Variants in GPR137C observed in about 807,000 individuals in gnomAD.
GPR137C encodes the protein integral membrane protein GPR137C.
GPR137C carries 27 observed loss-of-function variants against 43.4 expected under a neutral mutation model. The ratio of observed to expected loss-of-function variants is 0.62; its 90% CI spans 0.46 to 0.86. The LOEUF is 0.86. Ranked by LOEUF, GPR137C falls within the 40% of genes least tolerant of loss-of-function variation. The pLI is 0.00. For missense variants in GPR137C, 522 were observed against 534.6 expected, an observed-to-expected ratio of 0.98 and a Z score of 0.23; for synonymous variants, 285 against 226.9, an observed-to-expected ratio of 1.26 and a Z score of -2.30.
chr14:52,619,747 A>G (rs1371356707), intron 3 of GPR137C, among the ~76,000 whole-genome samples: 1 of 152,134 alleles, frequency 6.6e-6, no homozygotes, highest in African/African-American at 2.4e-5. Flanking sequence ...TGTCAGGGTC[A>G]TAGGAGCCAG....
At chr14:52,595,941 C>T (rs2038849083) in intron 1 of GPR137C, among the ~76,000 whole-genome samples, 2 of 152,140 alleles carry the variant, frequency 1.3e-5, no homozygotes, top group Admixed American at 1.3e-4. Context: ...TGGTTTCTCC[C>T]CATTTTTGTG....
At chr14:52,567,649 CTTTTTTTTTTTGGTT>C (rs1364745456) in intron 1 of GPR137C, among the ~76,000 whole-genome samples, 1 of 133,120 alleles carries the variant, frequency 7.5e-6, no homozygotes, top group Admixed American at 7.5e-5. Flanking sequence ...TCAGATTGTT[CTTTTTTTTTTTGGTT>C]TTTTTTTTTT....
intron 3 of GPR137C, among the ~76,000 whole-genome samples, chr14:52,627,720 T>C (rs1300373992): frequency 6.6e-6 from 1 of 152,064 alleles, no homozygotes. Context: ...GGCACGTGCC[T>C]GTAATCCCAG....
rs940728137 is a variant in GPR137C, at chr14:52,625,249, C to T, written c.718-6911C>T. On this transcript the variant is annotated intron_variant, in intron 3 of 6. Coordinates refer to ENST00000321662, the MANE Select transcript of GPR137C (RefSeq NM_001099652.2). ...CTGTAATCCCAGGGCTTCGGGAAGC[C>T]GAGGCGGGTGGATCACAAGGTCAGG... Among the ~76,000 whole-genome samples the T allele has an allele frequency of 2.0e-5, 3 of 151,832 alleles. No homozygotes were observed. In the South Asian group the frequency reaches 6.2e-4, roughly 31 times the overall value.
intron 1 of GPR137C, among the ~76,000 whole-genome samples, chr14:52,556,778 G>T (rs1455155938): frequency 6.6e-6 from 1 of 151,830 alleles, no homozygotes; most frequent in African/African-American, 2.4e-5. Context: ...TGAACCTCCT[G>T]AATCTAAATT....
intron 1 of GPR137C, among the ~76,000 whole-genome samples, chr14:52,595,516 T>G (rs2038842316): frequency 1.3e-5 from 2 of 152,194 alleles, no homozygotes; most frequent in South Asian, 4.1e-4. Context: ...TTTTTTCATT[T>G]CTTTTTACTC....
intron 1 of GPR137C, among the ~76,000 whole-genome samples, chr14:52,595,902 G>C (rs116248309): frequency 0.016 from 2,489 of 152,184 alleles, 67 homozygotes; most frequent in African/African-American, 0.056. Context: ...GAGGCAGTCT[G>C]GTTTTTGGAA....
chr14:52,596,545 C>G lies in GPR137C; in HGVS notation c.445-1727C>G, dbSNP rs113791958. ...TCAACAATGGTGGATGCCCCTCCCC[C>G]TGCTGGGCTGCAGTGTTGCAGGTGG... is the stretch of plus-strand genomic sequence containing the variant. On this transcript the variant is annotated intron_variant, in intron 1 of 6. Coordinates refer to ENST00000321662, the MANE Select transcript of GPR137C (RefSeq NM_001099652.2). 1.3e-3 allele frequency among the ~76,000 whole-genome samples: 197 copies of G among 152,338 alleles called. 1 individual carries two copies. The highest frequency in any genetic ancestry group is 4.4e-3 in the African/African-American group (182 of 41,584).
At chr14:52,578,950 A>C (rs1035984153) in intron 1 of GPR137C, among the ~76,000 whole-genome samples, 13 of 152,094 alleles carry the variant, frequency 8.5e-5, no homozygotes, top group Non-Finnish European at 4.4e-5. Flanking sequence ...GTCTCAAAAA[A>C]AAAAAAAAAG....
At chr14:52,580,177 A>G (rs574155681) in intron 1 of GPR137C, among the ~76,000 whole-genome samples, 1 of 152,258 alleles carries the variant, frequency 6.6e-6, no homozygotes, top group East Asian at 1.9e-4. Flanking sequence ...TATGCCTTTC[A>G]TGAAAATTCC....
At position 52,635,238 on chromosome 14, in the gene GPR137C, G is replaced by A; in HGVS notation, c.*123G>A. ...AACTGAAAACAAAATCTGGAAGTGT[G>A]GCTGTGTTTGGTAAATAACACAGCT... On this transcript the variant is annotated 3_prime_UTR_variant, in exon 7 of 7. Coordinates refer to ENST00000321662, the MANE Select transcript of GPR137C (RefSeq NM_001099652.2). 3 of 716,498 alleles carry A rather than the reference G, an allele frequency of 4.2e-6. No individual in the cohort carries two copies. Among genetic ancestry groups the A allele is most frequent in the Non-Finnish European group, 2.1e-6 (1 of 466,664 alleles). The allele number at this position is 716,498 out of a possible 1,614,324, so 44.4% of individuals were successfully genotyped here. A position where few individuals can be genotyped will look rare whatever the true frequency, so the allele number is the denominator to read the frequency against.
At position 52,635,098 on chromosome 14, in the gene GPR137C, G is replaced by C; in HGVS notation, c.1273G>C (p.Val425Leu). The C allele has an allele frequency of 6.3e-7, 1 of 1,578,284 alleles. No individual in the cohort carries two copies. The highest frequency in any genetic ancestry group is 8.6e-7 in the Non-Finnish European group (1 of 1,166,362). ...TTTGAACAATCATCATAGCTTATATGTGACACCACAAAACTGACAGCATCA... is the reference window on the plus strand; with the variant it reads ...TTTGAACAATCATCATAGCTTATATCTGACACCACAAAACTGACAGCATCA... ...LDLNNHHSLY[V>L]TPQN Residue 425 changes from valine (V) to leucine (L), a missense_variant, in exon 7 of 7, where the codon GTG (valine) becomes CTG (leucine). Val to Leu is a conservative substitution (Grantham distance 32). Transcript: ENST00000321662.
Position 52,580,529 on chromosome 14 carries a change from T to A in GPR137C, c.445-17743T>A, listed in dbSNP as rs566526018. On this transcript the variant is annotated intron_variant, in intron 1 of 6. Coordinates refer to ENST00000321662, the MANE Select transcript of GPR137C (RefSeq NM_001099652.2). ...GGTGTGCACCACCACACCCAGTTAA[T>A]TTTTTTGTATTTTTAGTAGAGATAG... 2.0e-4 allele frequency among the ~76,000 whole-genome samples: 30 copies of A among 151,710 alleles called. 3 individuals carry two copies. In the South Asian group the frequency reaches 5.4e-3, roughly 27 times the overall value.
intron 3 of GPR137C, among the ~76,000 whole-genome samples, chr14:52,602,669 A>G (rs907116918): frequency 2.0e-5 from 3 of 152,036 alleles, no homozygotes; most frequent in Non-Finnish European, 2.9e-5. Context: ...TCCCCTTTTT[A>G]TGAACTCAAT....
At chr14:52,573,894 C>G (rs1594785259) in intron 1 of GPR137C, among the ~76,000 whole-genome samples, 2 of 152,190 alleles carry the variant, frequency 1.3e-5, no homozygotes, top group African/African-American at 4.8e-5. Flanking sequence ...GCAACCCCAT[C>G]AAAACATGGG....
chr14:52,626,852 A>C (rs1373184744), intron 3 of GPR137C, among the ~76,000 whole-genome samples: 2 of 152,172 alleles, frequency 1.3e-5, no homozygotes, highest in African/African-American at 4.8e-5. Flanking sequence ...TAAATGAACA[A>C]CACCATTTAC....
At chr14:52,618,816 C>T (rs1302243879) in intron 3 of GPR137C, among the ~76,000 whole-genome samples, 1 of 151,986 alleles carries the variant, frequency 6.6e-6, no homozygotes, top group African/African-American at 2.4e-5. Context: ...TTCAAACCAG[C>T]TAGATGCTTA....
At chr14:52,606,726 T>C (rs2038987479) in intron 3 of GPR137C, among the ~76,000 whole-genome samples, 1 of 152,344 alleles carries the variant, frequency 6.6e-6, no homozygotes, top group Admixed American at 6.5e-5. Flanking sequence ...TGTTGATTTA[T>C]TTTTTCAAAA....
intron 3 of GPR137C, among the ~76,000 whole-genome samples, chr14:52,609,420 A>G (rs1004080748): frequency 5.3e-5 from 8 of 152,156 alleles, no homozygotes; most frequent in Non-Finnish European, 1.0e-4. Context: ...ACCTTATTTT[A>G]TCCATTTGAT....
Sources: allele counts gnomAD v4.1 joint callset (sites outside exome capture counted in the v4.1 genomes callset), GRCh38; gene constraint gnomAD v4.1.1; transcripts MANE v1.5; gene names NCBI Gene and HGNC (gene_info 2026-07-23, HGNC 2026-07-21).